Variants in CCSER2 observed in about 807,000 individuals in gnomAD.
CCSER2 encodes the protein coiled-coil serine rich protein 2, also known as serine-rich coiled-coil domain-containing protein 2.
CCSER2 carries 46 observed loss-of-function variants against 92.3 expected under a neutral mutation model. The observed-to-expected ratio is 0.50, with a 90% CI of 0.39 to 0.64. The LOEUF (loss-of-function observed/expected upper bound fraction) is 0.64, where lower values mean the gene tolerates loss of function less well. Among genes scored for constraint, CCSER2 ranks in the 30% least tolerant of loss-of-function variants. CCSER2 has a pLI of 0.00. For synonymous variants in CCSER2, 433 were observed against 431.4 expected (o/e 1.00, Z -0.04); for missense variants, 1,244 against 1,238.9 (o/e 1.00, Z -0.06).
Position 84,371,007 on chromosome 10 carries a change from T to C in CCSER2, c.-39-7T>C, listed in dbSNP as rs1302595018. The C allele has an allele frequency of 8.0e-7, 1 of 1,254,838 alleles. No homozygotes were observed. The highest frequency in any genetic ancestry group is 1.1e-6 in the Non-Finnish European group (1 of 909,798). The allele number at this position is 1,254,838 out of a possible 1,614,324, so 77.7% of individuals were successfully genotyped here. On this transcript the variant is annotated splice_region_variant and splice_polypyrimidine_tract_variant and intron_variant, in intron 1 of 9. Coordinates refer to ENST00000372088, the MANE Select transcript of CCSER2 (RefSeq NM_001284240.2). ...ATGTTTAATGTACTTCTTTTTTCTCTTCACAGATTCTTTCAACTTTTAAGA... is the reference window on the plus strand; with the variant it reads ...ATGTTTAATGTACTTCTTTTTTCTCCTCACAGATTCTTTCAACTTTTAAGA...
chr10:84,355,972 G>A (rs1018942564), intron 1 of CCSER2, among the ~76,000 whole-genome samples: 3 of 151,884 alleles, frequency 2.0e-5, no homozygotes, highest in East Asian at 1.9e-4. Context: ...ATGTAGTGGC[G>A]GGCGCCTGTA....
At position 84,372,395 on chromosome 10, in the gene CCSER2, A is replaced by G; in HGVS notation, c.1343A>G (p.Asp448Gly). 6.2e-7 allele frequency: 1 copy of G among 1,607,100 alleles called. No homozygotes were observed. Among genetic ancestry groups the G allele is most frequent in the Non-Finnish European group, 8.5e-7 (1 of 1,178,138 alleles). ...EEKHENGPPQ[D>G]MFDSPKENEK... ...AAACATGAAAATGGGCCACCACAGG[A>G]TATGTTTGATTCCCCCAAGGAAAAT... Residue 448 changes from aspartate to glycine, a missense_variant, in exon 2 of 10, where the codon GAT (aspartate) becomes GGT (glycine). Transcript: ENST00000372088.
chr10:84,501,625 TCTC>T (rs1460374879), intron 9 of CCSER2, among the ~76,000 whole-genome samples: 1 of 150,908 alleles, frequency 6.6e-6, no homozygotes, highest in Non-Finnish European at 1.5e-5. Flanking sequence ...AAGTGCTTCT[TCTC>T]CTTCCTTCTT....
chr10:84,349,256 G>A (rs1278499986), intron 1 of CCSER2, among the ~76,000 whole-genome samples: 3 of 152,168 alleles, frequency 2.0e-5, no homozygotes, highest in African/African-American at 7.2e-5. Flanking sequence ...GAAAATGACA[G>A]CACAATCCCA....
chr10:84,378,958 C>T (rs1176612376), intron 3 of CCSER2, among the ~76,000 whole-genome samples: 1 of 152,002 alleles, frequency 6.6e-6, no homozygotes, highest in Admixed American at 6.6e-5. Context: ...CTTGTTCTTG[C>T]CATGTTTTGG....
intron 5 of CCSER2, among the ~76,000 whole-genome samples, chr10:84,428,985 G>GTGTATATATA (rs367824329): frequency 1.4e-5 from 2 of 140,848 alleles, no homozygotes; most frequent in Non-Finnish European, 1.5e-5. Context: ...GTGTGTATGT[G>GTGTATATATA]TATATATATA....
chr10:84,486,923 AG>A (rs1847842506), intron 9 of CCSER2, among the ~76,000 whole-genome samples: 1 of 152,172 alleles, frequency 6.6e-6, no homozygotes, highest in Non-Finnish European at 1.5e-5. Flanking sequence ...TTTTTGTATA[AG>A]GTATAAGGAA....
At chr10:84,414,756 A>G (rs1842813376) in intron 3 of CCSER2, among the ~76,000 whole-genome samples, 1 of 152,064 alleles carries the variant, frequency 6.6e-6, no homozygotes, top group African/African-American at 2.4e-5. Flanking sequence ...AGTTGGTTCC[A>G]TTCTCCCCAT....
intron 8 of CCSER2, 123 bp downstream of exon 8, chr10:84,470,581 T>G: frequency 1.4e-6 from 1 of 712,404 alleles, no homozygotes; most frequent in Non-Finnish European, 2.0e-6. Flanking sequence ...ACTTTTATAT[T>G]ATTTTTAGAT....
intron 4 of CCSER2, among the ~76,000 whole-genome samples, chr10:84,419,725 A>T (rs1267712700): frequency 2.6e-5 from 4 of 152,236 alleles, no homozygotes; most frequent in Non-Finnish European, 4.4e-5. Context: ...CTGAGGAAGA[A>T]CAAGGAAAAT....
intron 9 of CCSER2, among the ~76,000 whole-genome samples, chr10:84,502,367 CTTTTTTTTTTT>C (rs562377515): frequency 9.0e-6 from 1 of 111,258 alleles, no homozygotes; most frequent in South Asian, 3.4e-4. Context: ...TTGATGACTT[CTTTTTTTTTTT>C]TTTTTTTTTT....
chr10:84,513,893 A>T lies in CCSER2; in HGVS notation c.2770A>T (p.Lys924Ter), dbSNP rs1849497747. Residue 924 changes from lysine (K) to a stop codon, truncating the protein, a stop_gained, in exon 10 of 10, where the codon AAG becomes TAG. Transcript: ENST00000372088. LOFTEE classifies it high-confidence loss of function. ...MSQPKSLQLLKPSILSSLVPP... is the reference protein window; with the variant it reads ...MSQPKSLQLL ...TCAGCCCAAGTCCTTGCAGCTTTTA[A>T]AGCCATCCATATTGAGTTCTTTGGT... The T allele has an allele frequency of 1.3e-6, 2 of 1,536,466 alleles. No homozygotes were observed. The highest frequency in any genetic ancestry group is 4.9e-5 in the East Asian group (2 of 40,920).
chr10:84,378,438 T>TC lies in CCSER2; in HGVS notation c.1614+4623_1614+4624insC, dbSNP rs1230694743. 2.0e-5 allele frequency among the ~76,000 whole-genome samples: 3 copies of TC among 147,584 alleles called. No individual in the cohort carries two copies. The East Asian group carries it at 5.8e-4, about 29-fold the overall frequency. ...AATTATTTTTTAAAATTAAATTTTT[T>TC]TTTTTTTTTTTTTGAGACGAAGTCT... On this transcript the variant is annotated intron_variant, in intron 3 of 9. Transcript: ENST00000372088.
intron 3 of CCSER2, among the ~76,000 whole-genome samples, chr10:84,399,650 T>C (rs1842013679): frequency 6.6e-6 from 1 of 152,218 alleles, no homozygotes; most frequent in South Asian, 2.1e-4. Flanking sequence ...TGGAAAATGT[T>C]CATATTTAAT....
At chr10:84,349,411 G>A (rs181938517) in intron 1 of CCSER2, among the ~76,000 whole-genome samples, 6 of 152,224 alleles carry the variant, frequency 3.9e-5, no homozygotes, top group Non-Finnish European at 7.4e-5. Flanking sequence ...AGTGGTTCAC[G>A]CCTATAATCC....
intron 1 of CCSER2, among the ~76,000 whole-genome samples, chr10:84,332,555 C>T (rs1589369583): frequency 6.7e-6 from 1 of 149,426 alleles, no homozygotes; most frequent in East Asian, 2.0e-4. Context: ...TCTCTTGCCT[C>T]AGCCTCCCCA....
At chr10:84,369,978 G>T (rs1332398771) in intron 1 of CCSER2, among the ~76,000 whole-genome samples, 1 of 152,022 alleles carries the variant, frequency 6.6e-6, no homozygotes, top group Non-Finnish European at 1.5e-5. Context: ...TTATTTCTGG[G>T]TTCTCTACTC....
At chr10:84,484,147 G>A (rs1347978646) in intron 9 of CCSER2, among the ~76,000 whole-genome samples, 2 of 151,010 alleles carry the variant, frequency 1.3e-5, no homozygotes, top group African/African-American at 4.9e-5. Flanking sequence ...CTAATTTTTT[G>A]TATTTTTTTT....
At chr10:84,370,535 T>C (rs1379499822) in intron 1 of CCSER2, among the ~76,000 whole-genome samples, 1 of 152,150 alleles carries the variant, frequency 6.6e-6, no homozygotes, top group Non-Finnish European at 1.5e-5. Context: ...TAGGATTTTC[T>C]AGATATATAA....
Sources: allele counts gnomAD v4.1 joint callset (sites outside exome capture counted in the v4.1 genomes callset), GRCh38; gene constraint gnomAD v4.1.1; transcripts MANE v1.5; gene names NCBI Gene and HGNC (gene_info 2026-07-23, HGNC 2026-07-21).